ZBTB7C: variants seen among roughly 807,000 people sequenced by gnomAD.
ZBTB7C encodes the protein zinc finger and BTB domain-containing protein 7C.
A neutral mutation model predicts 25.7 loss-of-function variants in ZBTB7C; 8 were observed. The ratio of observed to expected loss-of-function variants is 0.31; its 90% CI spans 0.18 to 0.56. The LOEUF (loss-of-function observed/expected upper bound fraction) is 0.56, where lower values mean the gene tolerates loss of function less well. Ranked by LOEUF, ZBTB7C falls within the 20% of genes least tolerant of loss-of-function variation. The probability of loss-of-function intolerance (pLI) is 0.91; values close to 1 mark genes in which losing one functional copy is unlikely to be tolerated. For missense variants in ZBTB7C, 824 were observed against 855.2 expected (o/e 0.96, Z 0.46); for synonymous variants, 394 against 369.0 (o/e 1.07, Z -0.78).
intron 2 of ZBTB7C, among the ~76,000 whole-genome samples, chr18:48,245,079 AGT>A (rs375402994): frequency 0.11 from 7,356 of 66,280 alleles, 802 homozygotes; most frequent in East Asian, 0.61. Flanking sequence ...AAAAAAAAGT[AGT>A]GTGTGTGTGT....
intron 3 of ZBTB7C, among the ~76,000 whole-genome samples, chr18:48,073,837 G>T (rs937766017): frequency 3.9e-5 from 6 of 152,042 alleles, no homozygotes; most frequent in African/African-American, 1.4e-4. Context: ...TCTGCACAAA[G>T]CCCTATCCTC....
At chr18:48,312,580 T>TG (rs2045847071) in intron 2 of ZBTB7C, among the ~76,000 whole-genome samples, 1 of 152,230 alleles carries the variant, frequency 6.6e-6, no homozygotes. Flanking sequence ...TATGGGACCT[T>TG]GGACAAGCTA....
rs778974025 is a variant in ZBTB7C at position 48,040,670 on chromosome 18, TTCG to T, written c.435_437del (p.Asp145del). 5.0e-6 allele frequency: 8 copies of T among 1,613,190 alleles called. No homozygotes were observed. The highest frequency in any genetic ancestry group is 1.1e-5 in the South Asian group (1 of 91,034). ...CTTCGTCCTCCTCATCATCATCATC[TTCG>T]TCGTCGTCATCGTCCTCCTTGTCAT... On this transcript the variant is annotated inframe_deletion, in exon 4 of 5. Coordinates refer to ENST00000590800, the MANE Select transcript of ZBTB7C (RefSeq NM_001318841.2).
chr18:48,384,718 G>T (rs1468534691), intron 1 of ZBTB7C, among the ~76,000 whole-genome samples: 1 of 152,114 alleles, frequency 6.6e-6, no homozygotes, highest in Non-Finnish European at 1.5e-5. Flanking sequence ...GTCTCGCTCT[G>T]TCACCCAGGC....
intron 1 of ZBTB7C, among the ~76,000 whole-genome samples, chr18:48,397,169 C>T (rs113160137): frequency 1.7e-3 from 261 of 152,296 alleles, no homozygotes; most frequent in African/African-American, 5.9e-3. Context: ...TGCCATTTCC[C>T]AAAGCATATT....
chr18:48,333,281 C>G lies in ZBTB7C; in HGVS notation c.-79+4893G>C, dbSNP rs150437429. 9.2e-5 allele frequency among the ~76,000 whole-genome samples: 14 copies of G among 152,328 alleles called. No homozygotes were observed. The East Asian group carries it at 2.7e-3, about 29-fold the overall frequency. On this transcript the variant is annotated intron_variant, in intron 2 of 4. Coordinates refer to ENST00000590800, the MANE Select transcript of ZBTB7C (RefSeq NM_001318841.2). Reference sequence around the variant, plus strand: ...TATAGCAGAAGCTGTTCCCCCTGGGCTCCCAGGAAGCAATAAAGATACTAA... The same window carrying G: ...TATAGCAGAAGCTGTTCCCCCTGGGGTCCCAGGAAGCAATAAAGATACTAA...
intron 2 of ZBTB7C, among the ~76,000 whole-genome samples, chr18:48,281,066 C>CCA (rs2044832102): frequency 1.3e-5 from 2 of 152,054 alleles, no homozygotes; most frequent in Non-Finnish European, 2.9e-5. Flanking sequence ...GTTGGCCAGA[C>CCA]TGGTCTCGAA....
chr18:48,083,203 G>A (rs1037306954), intron 3 of ZBTB7C, among the ~76,000 whole-genome samples: 6 of 151,484 alleles, frequency 4.0e-5, no homozygotes, highest in South Asian at 2.1e-4. Context: ...AAAAGCTAGC[G>A]CTATGACCTA....
chr18:48,102,967 C>T (rs977441280), intron 3 of ZBTB7C, among the ~76,000 whole-genome samples: 3 of 150,938 alleles, frequency 2.0e-5, no homozygotes, highest in Non-Finnish European at 4.4e-5. Context: ...CAACTGATGA[C>T]ATTTATAAAG....
chr18:48,170,477 A>G (rs2041434028), intron 3 of ZBTB7C, among the ~76,000 whole-genome samples: 2 of 152,232 alleles, frequency 1.3e-5, no homozygotes, highest in Admixed American at 1.3e-4. Context: ...GCAGAGAGGC[A>G]TCATGAACAC....
At chr18:48,315,321 C>T (rs986756824) in intron 2 of ZBTB7C, among the ~76,000 whole-genome samples, 4 of 152,102 alleles carry the variant, frequency 2.6e-5, no homozygotes, top group African/African-American at 9.7e-5. Context: ...CCCAACAGGA[C>T]ACAGGGAAAT....
intron 2 of ZBTB7C, among the ~76,000 whole-genome samples, chr18:48,288,387 G>A (rs1257357429): frequency 1.3e-5 from 2 of 151,880 alleles, no homozygotes; most frequent in Non-Finnish European, 2.9e-5. Flanking sequence ...CGTGGCTCAC[G>A]CCTGTAATCC....
chr18:48,305,214 C>T (rs1443042265), intron 2 of ZBTB7C, among the ~76,000 whole-genome samples: 1 of 152,200 alleles, frequency 6.6e-6, no homozygotes, highest in Non-Finnish European at 1.5e-5. Flanking sequence ...AAGTGGGGAA[C>T]AATTTGAAAT....
chr18:48,361,036 T>C (rs1255036173), intron 1 of ZBTB7C, among the ~76,000 whole-genome samples: 1 of 151,872 alleles, frequency 6.6e-6, no homozygotes, highest in African/African-American at 2.4e-5. Context: ...AATTTGAAGA[T>C]AGAGGCTAGG....
chr18:48,324,463 T>C (rs2046170714), intron 2 of ZBTB7C, among the ~76,000 whole-genome samples: 1 of 152,114 alleles, frequency 6.6e-6, no homozygotes, highest in Admixed American at 6.5e-5. Context: ...TGTAAATAAA[T>C]GAGACATCTA....
At chr18:48,185,348 T>C (rs937801147) in intron 3 of ZBTB7C, 6 of 448,412 alleles carry the variant, frequency 1.3e-5, no homozygotes, top group African/African-American at 1.2e-4. Context: ...CTTTGTCTCA[T>C]ATGCAGGTGT....
At chr18:48,080,554 C>A (rs2037942436) in intron 3 of ZBTB7C, among the ~76,000 whole-genome samples, 1 of 152,258 alleles carries the variant, frequency 6.6e-6, no homozygotes, top group Non-Finnish European at 1.5e-5. Flanking sequence ...TGCTTCACCT[C>A]TGTGGGCCTC....
intron 2 of ZBTB7C, among the ~76,000 whole-genome samples, chr18:48,250,687 A>G (rs555725310): frequency 6.6e-5 from 10 of 152,186 alleles, no homozygotes; most frequent in Admixed American, 6.5e-4. Context: ...ATTTTCTGAC[A>G]AACTTTAATG....
At chr18:48,076,276 T>G (rs2037759541) in intron 3 of ZBTB7C, among the ~76,000 whole-genome samples, 2 of 152,218 alleles carry the variant, frequency 1.3e-5, no homozygotes, top group Non-Finnish European at 2.9e-5. Flanking sequence ...ATTTTATTTA[T>G]GAGGAGAGTG....
Sources: allele counts gnomAD v4.1 joint callset (sites outside exome capture counted in the v4.1 genomes callset), GRCh38; gene constraint gnomAD v4.1.1; transcripts MANE v1.5; gene names NCBI Gene and HGNC (gene_info 2026-07-23, HGNC 2026-07-21).